The following SUGCT variants were observed in gnomAD, a reference collection of about 807,000 sequenced individuals.
SUGCT encodes the protein succinyl-CoA:glutarate CoA-transferase.
Under a neutral mutation model 55.0 loss-of-function variants are expected in SUGCT, and 41 were observed. The ratio of observed to expected loss-of-function variants is 0.74; its 90% CI spans 0.58 to 0.97. SUGCT has a LOEUF of 0.97. Among genes scored for constraint, SUGCT ranks in the 50% least tolerant of loss-of-function variants. The pLI is 0.00. For synonymous variants in SUGCT, 187 were observed against 200.4 expected (o/e 0.93, Z 0.56); for missense variants, 568 against 547.8 (o/e 1.04, Z -0.37).
chr7:40,524,386 T>C (rs925453256), intron 12 of SUGCT, among the ~76,000 whole-genome samples: 21 of 152,172 alleles, frequency 1.4e-4, no homozygotes, highest in Non-Finnish European at 3.1e-4. Context: ...GACCTACTTT[T>C]AGTCCTAAGT....
At chr7:40,889,442 T>A in the SUGCT span, among the ~76,000 whole-genome samples, 1 of 152,180 alleles carries the variant, frequency 6.6e-6, no homozygotes, top group African/African-American at 2.4e-5. Flanking sequence ...GGAAAGGTTA[T>A]GCCTTATCCC....
At chr7:40,701,006 C>T (rs1180612266) in intron 12 of SUGCT, among the ~76,000 whole-genome samples, 1 of 152,174 alleles carries the variant, frequency 6.6e-6, no homozygotes, top group African/African-American at 2.4e-5. Flanking sequence ...CTTCTTTCCT[C>T]TGCTCTTTGT....
rs146283773 is a variant in SUGCT, at chr7:40,559,555, G to T, written c.1089+63169G>T. 3.9e-4 allele frequency among the ~76,000 whole-genome samples: 60 copies of T among 152,316 alleles called. No homozygotes were observed. The East Asian group carries it at 0.01, about 26-fold the overall frequency. ...TGAAATGAAATGAAGAAGAAAGGGG[G>T]TGAGAATGTGTATTTGTTTATGAGA... On this transcript the variant is annotated intron_variant, in intron 12 of 13. Coordinates refer to ENST00000335693, the MANE Select transcript of SUGCT (RefSeq NM_001193313.2).
chr7:40,801,736 A>C (rs560161761), intron 13 of SUGCT, among the ~76,000 whole-genome samples: 21 of 152,256 alleles, frequency 1.4e-4, no homozygotes, highest in African/African-American at 4.8e-4. Context: ...CTTTGAACTC[A>C]TGTTTATATA....
intron 12 of SUGCT, among the ~76,000 whole-genome samples, chr7:40,644,654 C>T (rs1324703320): frequency 1.3e-5 from 2 of 152,164 alleles, no homozygotes; most frequent in Admixed American, 6.5e-5. Context: ...TGGATTTCAT[C>T]ACTCTTAGAA....
At chr7:40,748,649 A>G (rs1024287742) in intron 12 of SUGCT, among the ~76,000 whole-genome samples, 2 of 151,752 alleles carry the variant, frequency 1.3e-5, no homozygotes, top group African/African-American at 2.4e-5. Context: ...TTAATTTAAT[A>G]TAGAAAAATT....
the SUGCT span, among the ~76,000 whole-genome samples, chr7:40,928,366 AT>A: frequency 1.3e-5 from 2 of 151,690 alleles, no homozygotes; most frequent in Non-Finnish European, 2.9e-5. Flanking sequence ...TTTTTGCTTT[AT>A]TTTTGGCAAA....
At chr7:41,024,737 G>T in the SUGCT span, among the ~76,000 whole-genome samples, 1 of 143,902 alleles carries the variant, frequency 6.9e-6, no homozygotes, top group Non-Finnish European at 1.5e-5. Flanking sequence ...CTCAAATATT[G>T]ATTGTGGGAG....
At chr7:40,352,391 G>A (rs945780500) in intron 9 of SUGCT, among the ~76,000 whole-genome samples, 1 of 152,058 alleles carries the variant, frequency 6.6e-6, no homozygotes, top group Admixed American at 6.6e-5. Context: ...GTGTGTCACT[G>A]GAGTTTGGAG....
At chr7:40,982,203 A>G in the SUGCT span, among the ~76,000 whole-genome samples, 1 of 152,206 alleles carries the variant, frequency 6.6e-6, no homozygotes, top group African/African-American at 2.4e-5. Flanking sequence ...TATTATTGCC[A>G]GTAGGTTGTA....
intron 12 of SUGCT, among the ~76,000 whole-genome samples, chr7:40,685,985 T>A (rs538866961): frequency 1.3e-5 from 2 of 152,388 alleles, no homozygotes; most frequent in South Asian, 4.1e-4. Context: ...GTTTTCTATC[T>A]CTTTTAGTTC....
the SUGCT span, among the ~76,000 whole-genome samples, chr7:40,967,761 G>C: frequency 6.6e-6 from 1 of 151,884 alleles, no homozygotes; most frequent in Non-Finnish European, 1.5e-5. Flanking sequence ...GCTGGGAATA[G>C]AGGTGCCCGC....
intron 12 of SUGCT, among the ~76,000 whole-genome samples, chr7:40,555,300 T>G (rs1795501320): frequency 7.3e-6 from 1 of 137,000 alleles, no homozygotes; most frequent in Non-Finnish European, 1.5e-5. Flanking sequence ...TTCCTCTTTG[T>G]CTTTTTTTTT....
At chr7:40,138,438 A>T (rs765861134) in intron 1 of SUGCT, among the ~76,000 whole-genome samples, 1 of 152,178 alleles carries the variant, frequency 6.6e-6, no homozygotes, top group African/African-American at 2.4e-5. Context: ...GCTTTTATGA[A>T]TAGTGCCGTG....
the SUGCT span, among the ~76,000 whole-genome samples, chr7:40,912,929 C>G: frequency 2.0e-5 from 3 of 152,096 alleles, no homozygotes; most frequent in African/African-American, 7.2e-5. Context: ...TGAGAATATA[C>G]CCCTGATCTG....
the SUGCT span, among the ~76,000 whole-genome samples, chr7:40,974,913 T>G: frequency 2.0e-5 from 3 of 152,330 alleles, no homozygotes; most frequent in East Asian, 5.8e-4. Context: ...TCCAACTTTA[T>G]AGGAAGTACT....
chr7:40,814,624 G>T (rs1425809122), intron 13 of SUGCT, among the ~76,000 whole-genome samples: 1 of 151,494 alleles, frequency 6.6e-6, no homozygotes, highest in African/African-American at 2.4e-5. Flanking sequence ...TCTTTGTGTT[G>T]ATGTTCAACC....
intron 12 of SUGCT, among the ~76,000 whole-genome samples, chr7:40,592,574 G>C (rs1230259751): frequency 2.6e-5 from 4 of 152,158 alleles, no homozygotes. Context: ...ATGGAATGGA[G>C]GACTGTGTGA....
At chr7:40,914,843 A>G in the SUGCT span, among the ~76,000 whole-genome samples, 1 of 152,198 alleles carries the variant, frequency 6.6e-6, no homozygotes, top group Admixed American at 6.5e-5. Flanking sequence ...TCCCACCAGA[A>G]TTAGACAAAC....
Sources: gnomAD v4.1 joint callset for allele counts (sites outside exome capture counted in the v4.1 genomes callset) on GRCh38, gnomAD v4.1.1 for gene constraint, MANE v1.5 for transcripts, NCBI Gene and HGNC (gene_info 2026-07-23, HGNC 2026-07-21) for gene names.